Variants in CCL21 observed in about 807,000 individuals in gnomAD.
CCL21 encodes the protein C-C motif chemokine ligand 21, also known as C-C motif chemokine 21.
A neutral mutation model predicts 16.4 loss-of-function variants in CCL21; 12 were observed. The ratio of observed to expected loss-of-function variants is 0.73; its 90% CI spans 0.47 to 1.18. The LOEUF (loss-of-function observed/expected upper bound fraction) is 1.18. Among genes scored for constraint, CCL21 ranks in the 50% most tolerant of loss-of-function variants. The pLI, the probability that CCL21 is intolerant of heterozygous loss-of-function variation, is 0.00. For synonymous variants in CCL21, 64 were observed against 62.1 expected, an observed-to-expected ratio of 1.03 and a Z score of -0.15; for missense variants, 155 against 163.8, an observed-to-expected ratio of 0.95 and a Z score of 0.29.
Position 34,709,585 on chromosome 9 carries a change from G to T in CCL21, c.286C>A (p.Pro96Thr). Residue 96 changes from proline to threonine, a missense_variant, in exon 3 of 4, where the codon CCA becomes ACA. Coordinates refer to ENST00000259607, the MANE Select transcript of CCL21 (RefSeq NM_002989.4). ...CTGCAGCCCTGGGCTGGTTTCTGTG[G>T]GGATGGTGTCTTGTCCAGATGCTGC... is the stretch of plus-strand genomic sequence containing the variant. ...LMQHLDKTPS[P>T]QKPAQGCRKD... The T allele has an allele frequency of 6.2e-7, 1 of 1,614,188 alleles. No homozygotes were observed. Among genetic ancestry groups the T allele is most frequent in the Non-Finnish European group, 8.5e-7 (1 of 1,180,016 alleles).
rs770321160 is a variant in CCL21 at position 34,709,369 on chromosome 9, C to G, written c.*25G>C. 3.7e-6 allele frequency: 6 copies of G among 1,604,588 alleles called. No individual in the cohort carries two copies. Among genetic ancestry groups the G allele is most frequent in the Admixed American group, 1.8e-5 (1 of 56,784 alleles). ...AGCGCTGGTGAGGCTGGTGGGGTCTCCAGGGCTCCAGGCTGCTCACTGGGC... is the reference window on the plus strand; with the variant it reads ...AGCGCTGGTGAGGCTGGTGGGGTCTGCAGGGCTCCAGGCTGCTCACTGGGC... On this transcript the variant is annotated 3_prime_UTR_variant, in exon 4 of 4. Coordinates refer to ENST00000259607, the MANE Select transcript of CCL21 (RefSeq NM_002989.4).
Position 34,709,568 on chromosome 9 carries a change from C to A in CCL21, c.303G>T (p.Gln101His), listed in dbSNP as rs1336150097. The change falls in exon 3 of 4, where the codon CAG becomes CAT. Residue 101 changes from glutamine (Q) to histidine (H), a missense_variant. Physicochemically the swap from Gln to His is conservative, Grantham distance 24 (BLOSUM62 0). Transcript: ENST00000259607. ...DKTPSPQKPA[Q>H]GCRKDRGASK... is the part of the protein sequence containing the mutation. The stretch of plus-strand genomic sequence containing the variant: ...AGGCCCCCCTGTCCTTCCTGCAGCC[C>A]TGGGCTGGTTTCTGTGGGGATGGTG... 6.2e-7 allele frequency: 1 copy of A among 1,614,090 alleles called. No individual in the cohort carries two copies. Among genetic ancestry groups the A allele is most frequent in the Non-Finnish European group, 8.5e-7 (1 of 1,180,030 alleles).
At chr9:34,709,963 C>T (rs1821961218) in intron 1 of CCL21, 37 bp downstream of exon 1, 1 of 1,614,102 alleles carries the variant, frequency 6.2e-7, no homozygotes, top group Non-Finnish European at 8.5e-7. Context: ...CTCTTGATCC[C>T]CTTAGCCCCA....
chr9:34,709,737 C>T (rs1821957669), intron 2 of CCL21, 40 bp downstream of exon 2: 1 of 1,613,624 alleles, frequency 6.2e-7, no homozygotes, highest in Non-Finnish European at 8.5e-7. Context: ...CCCTCCCCAC[C>T]CCGTCACCAG....
rs768746909 is a variant in CCL21 at position 34,709,791 on chromosome 9, G to A, written c.174C>T (p.Ser58=). The change falls in exon 2 of 4, where the codon TCC becomes TCT. Residue 58 remains serine (S), a synonymous_variant. Transcript: ENST00000259607. The part of the protein sequence containing the change: ...YRKQEPSLGC[S]IPAILFLPRK... Reference sequence around the variant, plus strand: ...TGTCCACTCACAGGATAGCTGGGATGGAGCAGCCTAAGCTTGGTTCCTGCT... The same window carrying A: ...TGTCCACTCACAGGATAGCTGGGATAGAGCAGCCTAAGCTTGGTTCCTGCT... The A allele has an allele frequency of 1.9e-6, 3 of 1,614,062 alleles. No individual in the cohort carries two copies. The highest frequency in any genetic ancestry group is 3.3e-5 in the Admixed American group (2 of 60,030).
chr9:34,709,775 A>AG lies in CCL21; in HGVS notation c.188+1_188+2insC, dbSNP rs1821958310. 1.1e-5 allele frequency: 17 copies of AG among 1,613,300 alleles called. No homozygotes were observed. The highest frequency in any genetic ancestry group is 1.4e-5 in the Non-Finnish European group (17 of 1,179,898). On this transcript the variant is annotated splice_donor_variant, in intron 2 of 3. Coordinates refer to ENST00000259607, the MANE Select transcript of CCL21 (RefSeq NM_002989.4). LOFTEE classifies it high-confidence loss of function. ...AGTACCCACCCCTTTGTGTCCACTCACAGGATAGCTGGGATGGAGCAGCCT... is the reference window on the plus strand; with the variant it reads ...AGTACCCACCCCTTTGTGTCCACTCAGCAGGATAGCTGGGATGGAGCAGCCT...
rs1821947206 is a variant in CCL21, at chr9:34,709,085, G to C, written c.*309C>G. ...AGGAAGAGGTGGGGTGTACTGGGGA[G>C]CCGTATCAGGTCCAGGGTCCTGATG... is the stretch of plus-strand genomic sequence containing the variant. On this transcript the variant is annotated 3_prime_UTR_variant, in exon 4 of 4. Transcript: ENST00000259607. 1 of 479,134 alleles carries C rather than the reference G, an allele frequency of 2.1e-6. No homozygotes were observed. The highest frequency in any genetic ancestry group is 3.7e-6 in the Non-Finnish European group (1 of 271,552). The allele number at this position is 479,134 out of a possible 1,614,324, so 29.7% of individuals were successfully genotyped here. A position where few individuals can be genotyped will look rare whatever the true frequency, so the allele number is the denominator to read the frequency against.
At position 34,709,197 on chromosome 9, in the gene CCL21, T is replaced by C; in HGVS notation, c.*197A>G. 2 of 677,534 alleles carry C rather than the reference T, an allele frequency of 3.0e-6. No individual in the cohort carries two copies. 42.0% of individuals were successfully genotyped at this position (677,534 alleles called of 1,614,324 possible). A position where few individuals can be genotyped will look rare whatever the true frequency, so the allele number is the denominator to read the frequency against. ...CTCGGTCTCTCTGGACCTGGCCTGC[T>C]GTGGGCAGCTCAGCCATGCAGGGTA... On this transcript the variant is annotated 3_prime_UTR_variant, in exon 4 of 4. Coordinates refer to ENST00000259607, the MANE Select transcript of CCL21 (RefSeq NM_002989.4).
In CCL21 at chr9:34,709,485, C is replaced by T. The variant is rs751151782; in HGVS notation, c.371+15G>A. The T allele has an allele frequency of 3.1e-6, 5 of 1,613,816 alleles. No homozygotes were observed. Among genetic ancestry groups the T allele is most frequent in the East Asian group, 2.2e-5 (1 of 44,882 alleles). On this transcript the variant is annotated intron_variant, in intron 3 of 3. Transcript: ENST00000259607. ...ACTGAGGCTCCCCTTTACCCACATC[C>T]CTCAGATTCCTCACCTCTTGCAGCC...
rs142807238 is a variant in CCL21, at chr9:34,709,583, T to C, written c.288A>G (p.Pro96=). The change falls in exon 3 of 4, where the codon CCA becomes CCG. Residue 96 remains proline, a synonymous_variant. Transcript: ENST00000259607. The part of the protein sequence containing the change: ...LMQHLDKTPS[P]QKPAQGCRKD... ...TCCTGCAGCCCTGGGCTGGTTTCTG[T>C]GGGGATGGTGTCTTGTCCAGATGCT... 1.1e-3 allele frequency: 1,757 copies of C among 1,614,132 alleles called. 17 individuals are homozygous for C. In the African/African-American group the frequency reaches 0.02, roughly 19 times the overall value.
chr9:34,709,845 A>G lies in CCL21; in HGVS notation c.120T>C (p.Ile40=), dbSNP rs752182202. The part of the protein sequence containing the change: ...DCCLKYSQRK[I]PAKVVRSYRK... The stretch of plus-strand genomic sequence containing the variant: ...GGTAGCTGCGGACAACCTTGGCGGG[A>G]ATCTTCCTTTGGCTGTACTTGAGGC... The change falls in exon 2 of 4, where the codon ATT becomes ATC. Residue 40 remains isoleucine (I), a synonymous_variant. Coordinates refer to ENST00000259607, the MANE Select transcript of CCL21 (RefSeq NM_002989.4). 62 of 1,613,980 alleles carry G rather than the reference A, an allele frequency of 3.8e-5. No homozygotes were observed. The highest frequency in any genetic ancestry group is 4.9e-5 in the Non-Finnish European group (58 of 1,180,030).
chr9:34,709,938 A>T, intron 1 of CCL21, 41 bp from the exon 2 acceptor site: 1 of 1,614,148 alleles, frequency 6.2e-7, no homozygotes, highest in Non-Finnish European at 8.5e-7. Flanking sequence ...GCTGCTGGCA[A>T]GCTCCTATCC....
rs11574915 is a variant in CCL21, at chr9:34,710,087, A to C, written c.-21T>G. ...GCCATGTCTGTGGTAGAGGGTGAGTAAGAGGCCAGAGCTGAGGGTGAGGTG... is the reference window on the plus strand; with the variant it reads ...GCCATGTCTGTGGTAGAGGGTGAGTCAGAGGCCAGAGCTGAGGGTGAGGTG... On this transcript the variant is annotated 5_prime_UTR_variant, in exon 1 of 4. Transcript: ENST00000259607. The C allele has an allele frequency of 0.13, 203,374 of 1,609,770 alleles. 13,731 individuals are homozygous for C. Among genetic ancestry groups the C allele is most frequent in the South Asian group, 0.2 (17,989 of 90,586 alleles).
Position 34,709,220 on chromosome 9 carries a change from G to A in CCL21, c.*174C>T, listed in dbSNP as rs1453897465. On this transcript the variant is annotated 3_prime_UTR_variant, in exon 4 of 4. Transcript: ENST00000259607. ...GCTGTGGGCAGCTCAGCCATGCAGGGTAGAGCTGGGAATGCAGATGGGGTG... is the reference window on the plus strand; with the variant it reads ...GCTGTGGGCAGCTCAGCCATGCAGGATAGAGCTGGGAATGCAGATGGGGTG... 2 of 799,384 alleles carry A rather than the reference G, an allele frequency of 2.5e-6. No homozygotes were observed. The highest frequency in any genetic ancestry group is 3.5e-5 in the African/African-American group (2 of 57,490). The allele number at this position is 799,384 out of a possible 1,614,324, so 49.5% of individuals were successfully genotyped here. A position where few individuals can be genotyped will look rare whatever the true frequency, so the allele number is the denominator to read the frequency against.
At position 34,709,137 on chromosome 9, in the gene CCL21, T is replaced by A. The variant is rs953122776; in HGVS notation, c.*257A>T. 3 of 575,070 alleles carry A rather than the reference T, an allele frequency of 5.2e-6. No homozygotes were observed. In the African/African-American group the frequency reaches 5.6e-5, roughly 11 times the overall value. 35.6% of individuals were successfully genotyped at this position (575,070 alleles called of 1,614,324 possible). A position where few individuals can be genotyped will look rare whatever the true frequency, so the allele number is the denominator to read the frequency against. On this transcript the variant is annotated 3_prime_UTR_variant, in exon 4 of 4. Coordinates refer to ENST00000259607, the MANE Select transcript of CCL21 (RefSeq NM_002989.4). ...TTCTCCTTCAAGGGGACAGTCCTGC[T>A]GCCTCCTCTCATGCTCCCTGGGAGA... is the stretch of plus-strand genomic sequence containing the variant.
chr9:34,709,088 G>A lies in CCL21; in HGVS notation c.*306C>T, dbSNP rs1336328817. ...AAGAGGTGGGGTGTACTGGGGAGCC[G>A]TATCAGGTCCAGGGTCCTGATGATT... is the stretch of plus-strand genomic sequence containing the variant. On this transcript the variant is annotated 3_prime_UTR_variant, in exon 4 of 4. Transcript: ENST00000259607. The A allele has an allele frequency of 4.2e-5, 20 of 479,594 alleles. No homozygotes were observed. Among genetic ancestry groups the A allele is most frequent in the Non-Finnish European group, 6.6e-5 (18 of 271,974 alleles). The allele number at this position is 479,594 out of a possible 1,614,324, so 29.7% of individuals were successfully genotyped here. A position where few individuals can be genotyped will look rare whatever the true frequency, so the allele number is the denominator to read the frequency against.
In CCL21 at chr9:34,709,414, G is replaced by A; in HGVS notation, c.385C>T (p.Gln129Ter). ...SKGCKRTERSQTPKGP is the reference protein window; with the variant it reads ...SKGCKRTERS ...CTGGGCTATGGCCCTTTAGGGGTCT[G>A]TGACCGCTCAGTCCTGTGAGGGCAG... The change falls in exon 4 of 4, where the codon CAG (glutamine) becomes TAG (stop). Residue 129 changes from glutamine (Q) to a stop codon, truncating the protein, a stop_gained. Coordinates refer to ENST00000259607, the MANE Select transcript of CCL21 (RefSeq NM_002989.4). LOFTEE classifies it high-confidence loss of function. 1 of 1,610,438 alleles carries A rather than the reference G, an allele frequency of 6.2e-7. No individual in the cohort carries two copies. Among genetic ancestry groups the A allele is most frequent in the Non-Finnish European group, 8.5e-7 (1 of 1,179,046 alleles).
Position 34,709,179 on chromosome 9 carries a change from T to C in CCL21, c.*215A>G. 1.6e-6 allele frequency: 1 copy of C among 613,946 alleles called. No homozygotes were observed. The allele number at this position is 613,946 out of a possible 1,614,324, so 38.0% of individuals were successfully genotyped here. Reference sequence around the variant, plus strand: ...CCTGGGAGACTCTCCCTCCTCGGTCTCTCTGGACCTGGCCTGCTGTGGGCA... The same window carrying C: ...CCTGGGAGACTCTCCCTCCTCGGTCCCTCTGGACCTGGCCTGCTGTGGGCA... On this transcript the variant is annotated 3_prime_UTR_variant, in exon 4 of 4. Transcript: ENST00000259607.
In CCL21 at chr9:34,710,073, G is replaced by A. The variant is rs1452601876; in HGVS notation, c.-7C>T. 4 of 1,612,974 alleles carry A rather than the reference G, an allele frequency of 2.5e-6. No individual in the cohort carries two copies. In the East Asian group the frequency reaches 6.7e-5, roughly 27 times the overall value. On this transcript the variant is annotated 5_prime_UTR_variant, in exon 1 of 4. Transcript: ENST00000259607. ...GAGCCAGTGACTGAGCCATGTCTGT[G>A]GTAGAGGGTGAGTAAGAGGCCAGAG...
Sources: allele counts gnomAD v4.1 joint callset, GRCh38; gene constraint gnomAD v4.1.1; transcripts MANE v1.5; gene names NCBI Gene and HGNC (gene_info 2026-07-23, HGNC 2026-07-21).